The following WWC2 variants were observed in gnomAD, a reference collection of about 807,000 sequenced individuals.
WWC2 encodes the protein protein WWC2.
Under a neutral mutation model 138.5 loss-of-function variants are expected in WWC2, and 101 were observed. That is an observed-to-expected ratio of 0.73 (90% CI 0.62 to 0.86). The LOEUF (loss-of-function observed/expected upper bound fraction) is 0.86. Ranked by LOEUF, WWC2 falls within the 40% of genes least tolerant of loss-of-function variation. The pLI is 0.00. For missense variants in WWC2, 1,420 were observed against 1,419.4 expected (o/e 1.00, Z -0.01); for synonymous variants, 558 against 538.4 (o/e 1.04, Z -0.50).
intron 4 of WWC2, among the ~76,000 whole-genome samples, chr4:183,229,018 A>C (rs1736160103): frequency 6.6e-6 from 1 of 152,072 alleles, no homozygotes; most frequent in South Asian, 2.1e-4. Flanking sequence ...AACTATTTAC[A>C]GGCCTAAACG....
chr4:183,152,587 C>T (rs774319360), intron 1 of WWC2, among the ~76,000 whole-genome samples: 14 of 149,912 alleles, frequency 9.3e-5, no homozygotes, highest in African/African-American at 1.7e-4. Flanking sequence ...GTTTTGTTTT[C>T]GAGAGTTGGG....
At chr4:183,313,978 A>C (rs974594119) in intron 22 of WWC2, among the ~76,000 whole-genome samples, 1 of 151,892 alleles carries the variant, frequency 6.6e-6, no homozygotes, top group Admixed American at 6.6e-5. Context: ...GTGTTTAGGC[A>C]TAAAGGGGAG....
At chr4:183,196,148 G>A (rs528359079) in intron 2 of WWC2, among the ~76,000 whole-genome samples, 29 of 152,150 alleles carry the variant, frequency 1.9e-4, no homozygotes, top group Non-Finnish European at 3.2e-4. Flanking sequence ...CTCCCCAGGA[G>A]CCCAGTAGAC....
rs1444490090 is a variant in WWC2, at chr4:183,308,118, C to T, written c.3385-4223C>T. On this transcript the variant is annotated intron_variant, in intron 21 of 22. Coordinates refer to ENST00000403733, the MANE Select transcript of WWC2 (RefSeq NM_024949.6). The stretch of plus-strand genomic sequence containing the variant: ...GTGGAATTTGAAATTAAAAACAATG[C>T]CGTTTCCATTAGTATCCAAAAAGTG... Among the ~76,000 whole-genome samples the T allele has an allele frequency of 2.6e-5, 4 of 152,212 alleles. No homozygotes were observed. In the East Asian group the frequency reaches 5.8e-4, roughly 22 times the overall value.
intron 15 of WWC2, among the ~76,000 whole-genome samples, chr4:183,270,635 G>T (rs543840247): frequency 7.1e-6 from 1 of 141,830 alleles, no homozygotes; most frequent in Non-Finnish European, 1.6e-5. Context: ...GTTGTGGTGC[G>T]CACCTGTAAT....
chr4:183,312,482 T>C lies in WWC2; in HGVS notation c.3512+14T>C, dbSNP rs1406781797. Reference sequence around the variant, plus strand: ...GCAGTCCTTCAGGTGAATAGCCCCATCCAGGACAGCTTTTGGGTTGCCCTC... The same window carrying C: ...GCAGTCCTTCAGGTGAATAGCCCCACCCAGGACAGCTTTTGGGTTGCCCTC... On this transcript the variant is annotated intron_variant, in intron 22 of 22. Transcript: ENST00000403733. 1.1e-5 allele frequency: 17 copies of C among 1,612,872 alleles called. No homozygotes were observed. In the Admixed American group the frequency reaches 2.8e-4, roughly 27 times the overall value.
intron 5 of WWC2, among the ~76,000 whole-genome samples, chr4:183,244,175 G>A (rs1270599401): frequency 1.3e-5 from 2 of 152,132 alleles, no homozygotes; most frequent in Non-Finnish European, 2.9e-5. Flanking sequence ...GTTGTTGGGT[G>A]GGGCAGAGGC....
At chr4:183,190,272 T>G (rs1472697793) in intron 1 of WWC2, among the ~76,000 whole-genome samples, 2 of 152,218 alleles carry the variant, frequency 1.3e-5, no homozygotes, top group Admixed American at 1.3e-4. Context: ...TGTAAGAAAT[T>G]CCTTGTGCAC....
chr4:183,274,226 G>A (rs112842157), intron 16 of WWC2, among the ~76,000 whole-genome samples: 83 of 152,198 alleles, frequency 5.5e-4, no homozygotes, highest in African/African-American at 1.9e-3. Context: ...TTCCATAAGA[G>A]TTTTAGTATC....
chr4:183,113,742 C>G (rs551442293), intron 1 of WWC2, among the ~76,000 whole-genome samples: 1 of 151,370 alleles, frequency 6.6e-6, no homozygotes, highest in East Asian at 1.9e-4. Flanking sequence ...AAAGAGATCA[C>G]TACTCTATGG....
chr4:183,142,868 T>A (rs1452273217), intron 1 of WWC2, among the ~76,000 whole-genome samples: 1 of 152,212 alleles, frequency 6.6e-6, no homozygotes, highest in Admixed American at 6.5e-5. Flanking sequence ...AAAACACAAA[T>A]GTTCAACTTC....
At chr4:183,135,485 C>T (rs1389264013) in intron 1 of WWC2, among the ~76,000 whole-genome samples, 3 of 151,724 alleles carry the variant, frequency 2.0e-5, no homozygotes, top group Non-Finnish European at 2.9e-5. Flanking sequence ...AGTCGAGAAC[C>T]TTGTAGTACT....
intron 1 of WWC2, among the ~76,000 whole-genome samples, chr4:183,189,029 T>G (rs569405359): frequency 6.6e-6 from 1 of 152,304 alleles, no homozygotes; most frequent in South Asian, 2.1e-4. Context: ...CCAAAGTGGT[T>G]TGTATAATTT....
intron 21 of WWC2, among the ~76,000 whole-genome samples, chr4:183,306,354 A>G (rs1373869795): frequency 1.3e-5 from 2 of 152,234 alleles, no homozygotes; most frequent in African/African-American, 4.8e-5. Flanking sequence ...GTTGATCAAA[A>G]AAGAACCAGC....
In WWC2 at chr4:183,310,206, G is replaced by C. The variant is rs148639565; in HGVS notation, c.3385-2135G>C. 3.1e-3 allele frequency among the ~76,000 whole-genome samples: 472 copies of C among 152,262 alleles called. 3 individuals carry two copies. Among genetic ancestry groups the C allele is most frequent in the Middle Eastern group, 0.01 (3 of 294 alleles). Reference sequence around the variant, plus strand: ...AAGCTTGATATAAACTGTGGATTTGGGGTGATAATGAAGTGTCAATATAAG... The same window carrying C: ...AAGCTTGATATAAACTGTGGATTTGCGGTGATAATGAAGTGTCAATATAAG... On this transcript the variant is annotated intron_variant, in intron 21 of 22. Transcript: ENST00000403733.
At chr4:183,277,204 C>G (rs1237151371) in intron 16 of WWC2, among the ~76,000 whole-genome samples, 2 of 145,378 alleles carry the variant, frequency 1.4e-5, no homozygotes, top group Non-Finnish European at 3.0e-5. Flanking sequence ...TTGTTCAATT[C>G]CCACCTATGA....
intron 1 of WWC2, among the ~76,000 whole-genome samples, chr4:183,164,916 T>G (rs925322750): frequency 6.6e-6 from 1 of 152,184 alleles, no homozygotes; most frequent in Non-Finnish European, 1.5e-5. Context: ...ATTTTAGGCA[T>G]TTAGTAAACT....
intron 2 of WWC2, among the ~76,000 whole-genome samples, chr4:183,195,001 T>C (rs1735096323): frequency 6.6e-6 from 1 of 152,244 alleles, no homozygotes; most frequent in Non-Finnish European, 1.5e-5. Flanking sequence ...CTATGAAGAA[T>C]CAATGATTGT....
At chr4:183,127,962 T>G (rs1378165300) in intron 1 of WWC2, among the ~76,000 whole-genome samples, 1 of 151,822 alleles carries the variant, frequency 6.6e-6, no homozygotes, top group African/African-American at 2.4e-5. Context: ...TACATTATAA[T>G]TATACTAAGT....
Sources: gnomAD v4.1 joint callset for allele counts (sites outside exome capture counted in the v4.1 genomes callset) on GRCh38, gnomAD v4.1.1 for gene constraint, MANE v1.5 for transcripts, NCBI Gene and HGNC (gene_info 2026-07-23, HGNC 2026-07-21) for gene names.